Variants in PCDH11X observed in about 807,000 individuals in gnomAD.
PCDH11X encodes the protein protocadherin-11 X-linked.
A neutral mutation model predicts 53.3 loss-of-function variants in PCDH11X; 18 were observed. The ratio of observed to expected loss-of-function variants is 0.34; its 90% CI spans 0.23 to 0.50. The LOEUF (loss-of-function observed/expected upper bound fraction) is 0.50. PCDH11X is among the 20% of genes least tolerant of loss of function. PCDH11X has a pLI of 0.98. For synonymous variants in PCDH11X, 279 were observed against 393.3 expected, an observed-to-expected ratio of 0.71 and a Z score of 3.44; for missense variants, 570 against 1,032.4, an observed-to-expected ratio of 0.55 and a Z score of 6.14.
rs747431716 is a variant in PCDH11X at position 92,324,854 on chromosome X, T to C, written c.3144+61711T>C. ...ACCAGCCACCCTTAAATGGGCCTCA[T>C]TGTCTCTTGTCTCTTCTTTGTGTCT... On this transcript the variant is annotated intron_variant, in intron 8 of 10. Transcript: ENST00000682573. 1.2e-3 allele frequency among the ~76,000 whole-genome samples: 123 copies of C among 98,740 alleles called. 1 individual carries two copies. The highest frequency in any genetic ancestry group is 2.1e-3 in the Non-Finnish European group (104 of 49,174). The allele number at this position is 98,740 out of a possible 115,157, so 85.7% of individuals were successfully genotyped here. A position where few individuals can be genotyped will look rare whatever the true frequency, so the allele number is the denominator to read the frequency against.
intron 1 of PCDH11X, among the ~76,000 whole-genome samples, chrX:91,789,200 C>CAAAAAAAAAA (rs764959497): frequency 6.4e-5 from 3 of 47,165 alleles, no homozygotes; most frequent in East Asian, 6.5e-4. Flanking sequence ...GACTCCGTCT[C>CAAAAAAAAAA]AAAAAAAAAA....
intron 1 of PCDH11X, among the ~76,000 whole-genome samples, chrX:91,803,959 A>G (rs1237753494): frequency 9.0e-6 from 1 of 110,945 alleles, no homozygotes; most frequent in Non-Finnish European, 1.9e-5. Flanking sequence ...TGAGTAGAAA[A>G]CTGAATTTTC....
chrX:92,112,192 G>A (rs1262296931), intron 6 of PCDH11X, among the ~76,000 whole-genome samples: 3 of 107,767 alleles, frequency 2.8e-5, no homozygotes, highest in Admixed American at 1.0e-4. Context: ...GAGTATACAA[G>A]ATGAACAACT....
intron 6 of PCDH11X, among the ~76,000 whole-genome samples, chrX:91,947,294 A>G (rs1386907245): frequency 9.1e-6 from 1 of 109,407 alleles, no homozygotes; most frequent in Non-Finnish European, 1.9e-5. Flanking sequence ...TGCGAAGGGC[A>G]TACAAAAAGC....
At chrX:92,580,165 T>A (rs770494342) in intron 10 of PCDH11X, among the ~76,000 whole-genome samples, 1 of 104,304 alleles carries the variant, frequency 9.6e-6, no homozygotes, top group South Asian at 4.0e-4. Context: ...GCTAGAATGC[T>A]CCTATATAAG....
intron 10 of PCDH11X, among the ~76,000 whole-genome samples, chrX:92,556,693 A>G (rs947465612): frequency 7.3e-5 from 8 of 109,545 alleles, no homozygotes; most frequent in Admixed American, 9.7e-5. Flanking sequence ...GCACATTGCA[A>G]TCTGTTGGTG....
intron 6 of PCDH11X, among the ~76,000 whole-genome samples, chrX:91,912,931 G>T (rs1247884485): frequency 8.9e-6 from 1 of 112,080 alleles, no homozygotes; most frequent in East Asian, 2.8e-4. Flanking sequence ...CCTGACTGGG[G>T]AATCTGAAAA....
chrX:91,919,774 TA>T (rs1285257221), intron 6 of PCDH11X, among the ~76,000 whole-genome samples: 3 of 110,737 alleles, frequency 2.7e-5, no homozygotes, highest in Non-Finnish European at 5.7e-5. Context: ...ATTATCTGGA[TA>T]AAAAAAGAAA....
intron 6 of PCDH11X, among the ~76,000 whole-genome samples, chrX:91,924,451 C>T (rs760018520): frequency 2.7e-5 from 3 of 111,542 alleles, no homozygotes; most frequent in South Asian, 3.7e-4. Context: ...GAACTCTGAC[C>T]TCCAGCACTA....
chrX:92,418,717 G>A (rs1320579502), intron 9 of PCDH11X, among the ~76,000 whole-genome samples: 1 of 109,952 alleles, frequency 9.1e-6, no homozygotes, highest in African/African-American at 3.3e-5. Flanking sequence ...TCAGCCTCTC[G>A]TGTAGCTAGG....
intron 6 of PCDH11X, among the ~76,000 whole-genome samples, chrX:92,186,628 CA>C (rs34913850): frequency 1.4e-4 from 9 of 63,515 alleles, no homozygotes; most frequent in African/African-American, 4.7e-4. Context: ...AACTCCGTCT[CA>C]AAAAAAAAAA....
At chrX:92,109,335 C>G (rs1404532979) in intron 6 of PCDH11X, among the ~76,000 whole-genome samples, 1 of 110,492 alleles carries the variant, frequency 9.1e-6, no homozygotes, top group African/African-American at 3.3e-5. Flanking sequence ...GATCATGCCA[C>G]TGCACTCCAG....
chrX:92,192,640 C>T (rs759974076), intron 6 of PCDH11X, among the ~76,000 whole-genome samples: 3 of 111,792 alleles, frequency 2.7e-5, no homozygotes, highest in Non-Finnish European at 5.6e-5. Flanking sequence ...AGCCACTGCA[C>T]CCGGCCTCCA....
intron 6 of PCDH11X, among the ~76,000 whole-genome samples, chrX:91,995,645 G>A (rs1318954125): frequency 2.7e-5 from 3 of 110,901 alleles, no homozygotes; most frequent in African/African-American, 6.6e-5. Flanking sequence ...TCTTCCTCAA[G>A]AGTCTTTTAG....
intron 6 of PCDH11X, among the ~76,000 whole-genome samples, chrX:91,949,407 C>T (rs1374858431): frequency 9.1e-6 from 1 of 109,620 alleles, no homozygotes; most frequent in Non-Finnish European, 1.9e-5. Context: ...ATGAGATAAC[C>T]CTGAGAGATA....
At chrX:92,338,033 G>A (rs918487257) in intron 8 of PCDH11X, among the ~76,000 whole-genome samples, 4 of 110,930 alleles carry the variant, frequency 3.6e-5, no homozygotes, top group African/African-American at 1.3e-4. Flanking sequence ...TGAGAGGGTT[G>A]GGGGGGTGTG....
At chrX:92,477,789 T>C (rs1190408251) in intron 10 of PCDH11X, among the ~76,000 whole-genome samples, 1 of 105,224 alleles carries the variant, frequency 9.5e-6, no homozygotes, top group African/African-American at 3.5e-5. Context: ...TAATCTTCTG[T>C]GATCATTATT....
At chrX:92,508,453 C>A (rs1219943216) in intron 10 of PCDH11X, among the ~76,000 whole-genome samples, 2 of 109,430 alleles carry the variant, frequency 1.8e-5, no homozygotes, top group Admixed American at 9.8e-5. Flanking sequence ...GATTTCCTGA[C>A]CTCGTGATCC....
In PCDH11X at chrX:92,618,566, C is replaced by T. The variant is rs762796266; in HGVS notation, c.3670C>T (p.Pro1224Ser). The T allele has an allele frequency of 1.7e-6, 2 of 1,211,707 alleles. No individual in the cohort carries two copies. Among genetic ancestry groups the T allele is most frequent in the Non-Finnish European group, 2.2e-6 (2 of 895,420 alleles). Residue 1224 changes from proline (P) to serine (S), a missense_variant, in exon 11 of 11, where the codon CCT becomes TCT. Transcript: ENST00000682573. ...IQVSALHHSP[P>S]LVQATALHHS... is the part of the protein sequence containing the mutation. ...GGTGTCTGCTCTCCACCACAGTCCT[C>T]CTCTAGTGCAGGCTACTGCACTTCA...
Sources: gnomAD v4.1 joint callset for allele counts (sites outside exome capture counted in the v4.1 genomes callset) on GRCh38, gnomAD v4.1.1 for gene constraint, MANE v1.5 for transcripts, NCBI Gene and HGNC (gene_info 2026-07-23, HGNC 2026-07-21) for gene names.